The following LIPI variants were observed in gnomAD, a reference collection of about 807,000 sequenced individuals.
LIPI encodes the protein lipase I.
Under a neutral mutation model 50.6 loss-of-function variants are expected in LIPI, and 59 were observed. The observed-to-expected ratio is 1.16, with a 90% confidence interval of 0.94 to 1.45. The LOEUF is 1.45. LIPI is among the 40% of genes most tolerant of loss of function. The pLI is 0.00. For missense variants in LIPI, 586 were observed against 536.3 expected (o/e 1.09, Z -0.92); for synonymous variants, 203 against 178.2 (o/e 1.14, Z -1.11).
intron 9 of LIPI, among the ~76,000 whole-genome samples, chr21:14,126,984 T>C (rs1600838397): frequency 6.6e-6 from 1 of 152,170 alleles, no homozygotes; most frequent in East Asian, 1.9e-4. Flanking sequence ...AAAGAATAAG[T>C]TTTACTGTTA....
At chr21:14,112,696 T>A (rs1188830692) in intron 9 of LIPI, among the ~76,000 whole-genome samples, 1 of 152,148 alleles carries the variant, frequency 6.6e-6, no homozygotes, top group Non-Finnish European at 1.5e-5. Context: ...TACATATTCA[T>A]GCATTTTGTT....
chr21:14,156,234 GCTAT>G (rs1430163610), intron 7 of LIPI, among the ~76,000 whole-genome samples: 2 of 151,846 alleles, frequency 1.3e-5, no homozygotes, highest in Non-Finnish European at 2.9e-5. Flanking sequence ...TTGCTAACCA[GCTAT>G]TCTTAAAATA....
intron 9 of LIPI, among the ~76,000 whole-genome samples, chr21:14,128,874 AT>A (rs2017172771): frequency 6.6e-6 from 1 of 152,096 alleles, no homozygotes; most frequent in African/African-American, 2.4e-5. Flanking sequence ...GCCTTCCTAT[AT>A]CCTTAACAAC....
In LIPI at chr21:14,110,710, T is replaced by C. The variant is rs1299956361; in HGVS notation, c.1296-1630A>G. Among the ~76,000 whole-genome samples, 9 of 151,800 alleles carry C rather than the reference T, an allele frequency of 5.9e-5. No homozygotes were observed. The East Asian group carries it at 1.7e-3, about 29-fold the overall frequency. ...GAGATCAACTTTTTTAGATTCCACA[T>C]GTGAGTGAAATCCTACAGTCTTTGT... On this transcript the variant is annotated intron_variant, in intron 9 of 9. Coordinates refer to ENST00000681601, the MANE Select transcript of LIPI (RefSeq NM_001302998.2).
intron 7 of LIPI, among the ~76,000 whole-genome samples, chr21:14,154,440 T>A (rs914955950): frequency 6.6e-6 from 1 of 151,890 alleles, no homozygotes; most frequent in Non-Finnish European, 1.5e-5. Context: ...TAGGATATAC[T>A]TCAGCAAGAA....
chr21:14,155,058 G>A (rs931748135), intron 7 of LIPI, among the ~76,000 whole-genome samples: 1 of 151,496 alleles, frequency 6.6e-6, no homozygotes, highest in Non-Finnish European at 1.5e-5. Context: ...CATGTCTCTT[G>A]AAAAAATGAG....
intron 9 of LIPI, 70 bp from the exon 10 acceptor site, chr21:14,109,150 C>G: frequency 1.6e-6 from 2 of 1,231,200 alleles, no homozygotes; most frequent in Non-Finnish European, 2.4e-6. Context: ...ATTTCCTTCT[C>G]TCATTAATAT....
At chr21:14,164,676 G>A (rs2018612732) in intron 6 of LIPI, among the ~76,000 whole-genome samples, 1 of 151,972 alleles carries the variant, frequency 6.6e-6, no homozygotes, top group Admixed American at 6.6e-5. Context: ...ATTTTTATGT[G>A]GATTTTTTTC....
chr21:14,150,414 A>C (rs2018049104), intron 8 of LIPI, among the ~76,000 whole-genome samples: 1 of 152,204 alleles, frequency 6.6e-6, no homozygotes, highest in African/African-American at 2.4e-5. Context: ...GGGCTCCAAC[A>C]GTACATTAAG....
At chr21:14,206,163 G>A (rs547736005) in intron 1 of LIPI, among the ~76,000 whole-genome samples, 1 of 152,214 alleles carries the variant, frequency 6.6e-6, no homozygotes, top group African/African-American at 2.4e-5. Flanking sequence ...TTGAGAGCAA[G>A]GAGATTAAAA....
chr21:14,178,129 C>T (rs144720655), intron 4 of LIPI, among the ~76,000 whole-genome samples: 3,937 of 152,034 alleles, frequency 0.026, 66 homozygotes, highest in Admixed American at 0.032. Flanking sequence ...TGATGATGGC[C>T]TTTTCTGCAA....
At position 14,208,266 on chromosome 21, in the gene LIPI, C is replaced by G. The variant is rs1220958441; in HGVS notation, c.46+2534G>C. On this transcript the variant is annotated intron_variant, in intron 1 of 9. Coordinates refer to ENST00000681601, the MANE Select transcript of LIPI (RefSeq NM_001302998.2). ...CCAAGGTGGTCTGCGTACCCGTAGG[C>G]ATCACCTGAGTGCTTAGTAGAATTG... 2.0e-5 allele frequency among the ~76,000 whole-genome samples: 3 copies of G among 152,194 alleles called. No homozygotes were observed. In the South Asian group the frequency reaches 6.2e-4, roughly 32 times the overall value.
At chr21:14,151,716 A>T (rs1319681442) in intron 8 of LIPI, among the ~76,000 whole-genome samples, 2 of 152,182 alleles carry the variant, frequency 1.3e-5, no homozygotes, top group Admixed American at 1.3e-4. Context: ...TTAAGAATTT[A>T]TTAAACACAG....
chr21:14,161,078 A>C (rs947905151), intron 7 of LIPI, among the ~76,000 whole-genome samples: 3 of 151,324 alleles, frequency 2.0e-5, no homozygotes, highest in Non-Finnish European at 4.4e-5. Flanking sequence ...TTTCAAAGCT[A>C]AATGTGCAAT....
chr21:14,123,117 G>A (rs1488640180), intron 9 of LIPI, among the ~76,000 whole-genome samples: 2 of 152,168 alleles, frequency 1.3e-5, no homozygotes, highest in African/African-American at 2.4e-5. Flanking sequence ...ACTGGAATTT[G>A]TTACAAGGTT....
At chr21:14,141,561 C>A (rs553906143) in intron 9 of LIPI, among the ~76,000 whole-genome samples, 1 of 152,182 alleles carries the variant, frequency 6.6e-6, no homozygotes, top group Admixed American at 6.5e-5. Flanking sequence ...AAAAAGTCAA[C>A]CTTATTTCTA....
Position 14,110,878 on chromosome 21 carries a change from C to A in LIPI, c.1296-1798G>T, listed in dbSNP as rs78031660. Among the ~76,000 whole-genome samples, 1,332 of 149,380 alleles carry A rather than the reference C, an allele frequency of 8.9e-3. 14 individuals carry two copies. The highest frequency in any genetic ancestry group is 0.049 in the East Asian group (249 of 5,130). ...CTATCTATCTATCATCTATCTCTCTCTATATATAGGTGATATATATATGCA... is the reference window on the plus strand; with the variant it reads ...CTATCTATCTATCATCTATCTCTCTATATATATAGGTGATATATATATGCA... On this transcript the variant is annotated intron_variant, in intron 9 of 9. Coordinates refer to ENST00000681601, the MANE Select transcript of LIPI (RefSeq NM_001302998.2).
intron 1 of LIPI, among the ~76,000 whole-genome samples, chr21:14,202,007 T>C (rs2020070948): frequency 1.3e-5 from 2 of 152,144 alleles, no homozygotes; most frequent in African/African-American, 4.8e-5. Context: ...ACAAAATCAA[T>C]GTGCAAAAAT....
chr21:14,203,350 T>C (rs2020126254), intron 1 of LIPI, among the ~76,000 whole-genome samples: 1 of 152,096 alleles, frequency 6.6e-6, no homozygotes, highest in African/African-American at 2.4e-5. Context: ...ACCCAAAGGA[T>C]TATAAATCAT....
Sources: gnomAD v4.1 joint callset for allele counts (sites outside exome capture counted in the v4.1 genomes callset) on GRCh38, gnomAD v4.1.1 for gene constraint, MANE v1.5 for transcripts, NCBI Gene and HGNC (gene_info 2026-07-23, HGNC 2026-07-21) for gene names.